Variants in IKZF2 observed in about 807,000 individuals in gnomAD.
IKZF2 encodes zinc finger protein Helios.
IKZF2 carries 15 observed loss-of-function variants against 49.2 expected under a neutral mutation model. The ratio of observed to expected loss-of-function variants is 0.30; its 90% CI spans 0.20 to 0.47. The LOEUF (loss-of-function observed/expected upper bound fraction) is 0.47. Among genes scored for constraint, IKZF2 ranks in the 20% least tolerant of loss-of-function variants. The pLI is 1.00. For synonymous variants in IKZF2, 227 were observed against 221.4 expected (o/e 1.03, Z -0.23); for missense variants, 567 against 664.6 (o/e 0.85, Z 1.61).
intron 2 of IKZF2, among the ~76,000 whole-genome samples, chr2:213,149,880 T>A (rs549788682): frequency 6.6e-6 from 1 of 152,144 alleles, no homozygotes; most frequent in Non-Finnish European, 1.5e-5. Context: ...CCTGCTGTAC[T>A]GTTATCACAT....
At chr2:213,109,641 T>C (rs924233339) in intron 4 of IKZF2, among the ~76,000 whole-genome samples, 4 of 152,038 alleles carry the variant, frequency 2.6e-5, no homozygotes, top group African/African-American at 9.7e-5. Flanking sequence ...TTATGTGCTA[T>C]ATATTTATAT....
At chr2:213,140,149 T>G (rs1021194114) in intron 4 of IKZF2, among the ~76,000 whole-genome samples, 1 of 151,888 alleles carries the variant, frequency 6.6e-6, no homozygotes, top group East Asian at 1.9e-4. Context: ...ACAGGAAATC[T>G]CAGAAGAAGT....
chr2:213,093,310 T>C, intron 4 of IKZF2, among the ~76,000 whole-genome samples: 1 of 152,110 alleles, frequency 6.6e-6, no homozygotes, highest in Non-Finnish European at 1.5e-5. Flanking sequence ...AGCCACTCCA[T>C]CTCCCTCCAT....
intron 4 of IKZF2, among the ~76,000 whole-genome samples, chr2:213,090,940 T>C (rs774518642): frequency 4.6e-5 from 7 of 152,140 alleles, no homozygotes; most frequent in Non-Finnish European, 1.0e-4. Context: ...CAGTCTGTGG[T>C]AGTTCGTTAC....
intron 4 of IKZF2, among the ~76,000 whole-genome samples, chr2:213,121,602 T>C (rs2060059733): frequency 6.6e-6 from 1 of 152,238 alleles, no homozygotes; most frequent in Admixed American, 6.5e-5. Context: ...GAAATGTTTG[T>C]GATTACCCCT....
chr2:213,098,929 T>C lies in IKZF2; in HGVS notation c.140-41830A>G, dbSNP rs549297022. Among the ~76,000 whole-genome samples the C allele has an allele frequency of 1.8e-4, 27 of 152,310 alleles. No individual in the cohort carries two copies. The South Asian group carries it at 4.8e-3, about 27-fold the overall frequency. On this transcript the variant is annotated intron_variant, in intron 4 of 8. Coordinates refer to ENST00000434687, the MANE Select transcript of IKZF2 (RefSeq NM_001387220.1). ...CAGTGCCTTCAAGGGCAGCAGAGAA[T>C]CAGGGAGTCAGTCACCTCTTCTAAT...
At chr2:213,010,566 C>A (rs1021146949) in intron 8 of IKZF2, among the ~76,000 whole-genome samples, 1 of 152,114 alleles carries the variant, frequency 6.6e-6, no homozygotes, top group African/African-American at 2.4e-5. Flanking sequence ...ATACTTCATA[C>A]CAACTGTGCT....
rs1553539362 is a variant in IKZF2, at chr2:213,005,193, G to GGGA, written c.*2166_*2167insTCC. 1.5e-5 allele frequency: 2 copies of GGGA among 135,316 alleles called. No individual in the cohort carries two copies. Among genetic ancestry groups the GGGA allele is most frequent in the Non-Finnish European group, 3.2e-5 (2 of 62,028 alleles). 8.4% of individuals were successfully genotyped at this position (135,316 alleles called of 1,614,324 possible). ...ATTATTATTTGGGAGTGGTTGGGTG[G>GGGA]GGGGGGGTGAGCGAGTCTCAAAAAC... is the stretch of plus-strand genomic sequence containing the variant. On this transcript the variant is annotated 3_prime_UTR_variant, in exon 9 of 9. Coordinates refer to ENST00000434687, the MANE Select transcript of IKZF2 (RefSeq NM_001387220.1).
At chr2:213,109,465 C>A (rs1395668631) in intron 4 of IKZF2, among the ~76,000 whole-genome samples, 2 of 149,264 alleles carry the variant, frequency 1.3e-5, no homozygotes, top group African/African-American at 5.0e-5. Flanking sequence ...ACCTTGACCA[C>A]AACCCTGTAA....
intron 4 of IKZF2, among the ~76,000 whole-genome samples, chr2:213,136,041 T>A (rs1341142693): frequency 2.7e-4 from 25 of 91,424 alleles, no homozygotes; most frequent in East Asian, 6.0e-4. Context: ...AGAGCGAGAC[T>A]CCGTTTCAAA....
Position 213,069,136 on chromosome 2 carries a change from G to A in IKZF2, c.140-12037C>T, listed in dbSNP as rs1214385499. Among the ~76,000 whole-genome samples the A allele has an allele frequency of 3.9e-5, 6 of 152,022 alleles. No individual in the cohort carries two copies. In the East Asian group the frequency reaches 1.2e-3, roughly 29 times the overall value. On this transcript the variant is annotated intron_variant, in intron 4 of 8. Coordinates refer to ENST00000434687, the MANE Select transcript of IKZF2 (RefSeq NM_001387220.1). ...GTTTGGGAGTTTCCTCCCCATCTGGGACTAAGAGGCAAATTGCAGGTTTCC... is the reference window on the plus strand; with the variant it reads ...GTTTGGGAGTTTCCTCCCCATCTGGAACTAAGAGGCAAATTGCAGGTTTCC...
intron 4 of IKZF2, among the ~76,000 whole-genome samples, chr2:213,062,735 T>C (rs1701822712): frequency 6.6e-6 from 1 of 151,954 alleles, no homozygotes; most frequent in Non-Finnish European, 1.5e-5. Flanking sequence ...CTTGAAATGG[T>C]GTTATATACA....
At chr2:213,127,282 C>T (rs2060299165) in intron 4 of IKZF2, among the ~76,000 whole-genome samples, 1 of 152,170 alleles carries the variant, frequency 6.6e-6, no homozygotes, top group Non-Finnish European at 1.5e-5. Flanking sequence ...GCAAACAGTA[C>T]ATTAGTTGAG....
At chr2:213,048,120 T>C (rs1700337582) in intron 6 of IKZF2, among the ~76,000 whole-genome samples, 1 of 152,120 alleles carries the variant, frequency 6.6e-6, no homozygotes, top group South Asian at 2.1e-4. Context: ...GGTGATGCAG[T>C]AGCTGGATGC....
intron 4 of IKZF2, among the ~76,000 whole-genome samples, chr2:213,098,746 G>A (rs183221059): frequency 6.6e-6 from 1 of 152,224 alleles, no homozygotes; most frequent in African/African-American, 2.4e-5. Flanking sequence ...CTCTCACTCT[G>A]TCCCGGTTAA....
intron 6 of IKZF2, among the ~76,000 whole-genome samples, chr2:213,049,060 AT>A (rs1389928205): frequency 6.6e-6 from 1 of 152,046 alleles, no homozygotes; most frequent in African/African-American, 2.4e-5. Context: ...TATGTGTTAT[AT>A]TCTGGCATTT....
At chr2:213,017,773 T>C (rs1696776223) in intron 7 of IKZF2, among the ~76,000 whole-genome samples, 1 of 152,210 alleles carries the variant, frequency 6.6e-6, no homozygotes, top group Non-Finnish European at 1.5e-5. Flanking sequence ...AGGTATGTCC[T>C]CTCTGTCTCC....
chr2:213,105,419 A>G (rs560613441), intron 4 of IKZF2, among the ~76,000 whole-genome samples: 2 of 152,178 alleles, frequency 1.3e-5, no homozygotes, highest in South Asian at 2.1e-4. Context: ...AGCAAAGGAA[A>G]AACACACATG....
intron 4 of IKZF2, among the ~76,000 whole-genome samples, chr2:213,143,475 T>A (rs1004452094): frequency 6.6e-6 from 1 of 152,034 alleles, no homozygotes; most frequent in African/African-American, 2.4e-5. Flanking sequence ...TTCCTTTTTT[T>A]TCCCTTTTTT....
Sources: allele counts gnomAD v4.1 joint callset (sites outside exome capture counted in the v4.1 genomes callset), GRCh38; gene constraint gnomAD v4.1.1; transcripts MANE v1.5; gene names NCBI Gene and HGNC (gene_info 2026-07-23, HGNC 2026-07-21).